The following LRRTM4 variants were observed in gnomAD, a reference collection of about 807,000 sequenced individuals.
LRRTM4 encodes leucine rich repeat transmembrane neuronal 4, also known as leucine-rich repeat transmembrane neuronal protein 4.
In LRRTM4, 25 loss-of-function variants were observed where a neutral mutation model predicts 47.6. The ratio of observed to expected loss-of-function variants is 0.53; its 90% CI spans 0.38 to 0.73. The LOEUF (loss-of-function observed/expected upper bound fraction) is 0.73. Ranked by LOEUF, LRRTM4 falls within the 30% of genes least tolerant of loss-of-function variation. The pLI is 0.00. For missense variants in LRRTM4, 638 were observed against 713.4 expected, an observed-to-expected ratio of 0.89 and a Z score of 1.20; for synonymous variants, 311 against 269.5, an observed-to-expected ratio of 1.15 and a Z score of -1.51.
chr2:77,144,838 G>A (rs188144590), intron 3 of LRRTM4, among the ~76,000 whole-genome samples: 27 of 152,200 alleles, frequency 1.8e-4, no homozygotes, highest in Admixed American at 8.5e-4. Context: ...TGAACAACAA[G>A]AGCAAATATA....
At chr2:77,520,003 C>A (rs562966052) in intron 2 of LRRTM4, 139 bp from the exon 3 acceptor site, 1 of 1,370,612 alleles carries the variant, frequency 7.3e-7, no homozygotes, top group Non-Finnish European at 9.6e-7. Flanking sequence ...ACATTTCGAG[C>A]ATTATTTTCT....
chr2:77,044,595 G>T (rs1372706704), intron 3 of LRRTM4, among the ~76,000 whole-genome samples: 3 of 151,216 alleles, frequency 2.0e-5, no homozygotes, highest in African/African-American at 7.3e-5. Context: ...GATTTAGTGG[G>T]AGTGAAAACT....
chr2:76,966,112 A>T (rs1022039297), intron 3 of LRRTM4, among the ~76,000 whole-genome samples: 3 of 151,622 alleles, frequency 2.0e-5, no homozygotes, highest in African/African-American at 7.2e-5. Flanking sequence ...AGCATAGGCT[A>T]TAATTCCCAA....
chr2:76,908,339 A>G (rs554504590), intron 3 of LRRTM4, among the ~76,000 whole-genome samples: 2 of 152,202 alleles, frequency 1.3e-5, no homozygotes, highest in Non-Finnish European at 2.9e-5. Flanking sequence ...GATGGGCCAT[A>G]TCTCAAAATC....
chr2:77,376,185 T>A (rs1308012685), intron 3 of LRRTM4, among the ~76,000 whole-genome samples: 2 of 151,530 alleles, frequency 1.3e-5, no homozygotes, highest in African/African-American at 4.9e-5. Flanking sequence ...TTATGAGAAA[T>A]TTTCCATTTA....
intron 3 of LRRTM4, among the ~76,000 whole-genome samples, chr2:77,169,042 A>G (rs1368036441): frequency 3.3e-5 from 5 of 152,178 alleles, no homozygotes; most frequent in African/African-American, 1.2e-4. Flanking sequence ...TTATGATAAA[A>G]AACTCTGAAA....
chr2:76,830,637 T>C (rs1419583887), intron 3 of LRRTM4, among the ~76,000 whole-genome samples: 1 of 151,840 alleles, frequency 6.6e-6, no homozygotes, highest in Non-Finnish European at 1.5e-5. Context: ...ATTTTATATT[T>C]ATATTAAAAT....
chr2:77,091,548 C>T (rs1444675886), intron 3 of LRRTM4, among the ~76,000 whole-genome samples: 2 of 150,312 alleles, frequency 1.3e-5, no homozygotes, highest in African/African-American at 5.0e-5. Flanking sequence ...CTGTCCACCC[C>T]GTGGTGCCAA....
intron 3 of LRRTM4, among the ~76,000 whole-genome samples, chr2:77,128,800 C>T (rs1360623192): frequency 8.0e-5 from 12 of 150,192 alleles, no homozygotes; most frequent in Non-Finnish European, 1.0e-4. Context: ...CCACCATGCC[C>T]GGCTAATTTT....
At chr2:77,146,108 T>C (rs1672255994) in intron 3 of LRRTM4, among the ~76,000 whole-genome samples, 5 of 152,190 alleles carry the variant, frequency 3.3e-5, no homozygotes, top group Admixed American at 3.3e-4. Context: ...AGTGTATATT[T>C]ATTCTTTTGT....
chr2:77,044,150 A>T (rs1679131644), intron 3 of LRRTM4, among the ~76,000 whole-genome samples: 1 of 151,832 alleles, frequency 6.6e-6, no homozygotes, highest in Non-Finnish European at 1.5e-5. Context: ...TGGTATTAGA[A>T]TATGTTACAT....
intron 3 of LRRTM4, among the ~76,000 whole-genome samples, chr2:77,280,093 C>T (rs1676468293): frequency 6.6e-6 from 1 of 151,996 alleles, no homozygotes; most frequent in Non-Finnish European, 1.5e-5. Flanking sequence ...TCCTGAATCA[C>T]TTGGGTGAGC....
intron 3 of LRRTM4, among the ~76,000 whole-genome samples, chr2:77,104,150 A>G (rs758010712): frequency 3.9e-5 from 6 of 152,172 alleles, no homozygotes; most frequent in Non-Finnish European, 8.8e-5. Flanking sequence ...CAAGTCATTT[A>G]TCTTGTCTCT....
intron 3 of LRRTM4, among the ~76,000 whole-genome samples, chr2:77,048,898 C>A (rs1335134772): frequency 6.6e-6 from 1 of 151,366 alleles, no homozygotes; most frequent in African/African-American, 2.4e-5. Flanking sequence ...TATCCTTTAA[C>A]CAACCTCTGG....
At chr2:77,034,845 C>T (rs1359765802) in intron 3 of LRRTM4, among the ~76,000 whole-genome samples, 1 of 151,780 alleles carries the variant, frequency 6.6e-6, no homozygotes. Flanking sequence ...ATATTCTTTT[C>T]ACTTATTCTT....
intron 3 of LRRTM4, among the ~76,000 whole-genome samples, chr2:77,326,474 G>T (rs555169201): frequency 6.6e-6 from 1 of 152,194 alleles, no homozygotes; most frequent in East Asian, 1.9e-4. Context: ...GCTCACTGTG[G>T]CCTCGAACTT....
chr2:76,781,676 C>T (rs965933227), intron 3 of LRRTM4, among the ~76,000 whole-genome samples: 16 of 152,228 alleles, frequency 1.1e-4, no homozygotes, highest in African/African-American at 3.1e-4. Context: ...TGAGATTAAC[C>T]CGGTACCTCA....
intron 3 of LRRTM4, among the ~76,000 whole-genome samples, chr2:76,963,337 T>C (rs1675923074): frequency 6.6e-6 from 1 of 150,852 alleles, no homozygotes; most frequent in Non-Finnish European, 1.5e-5. Flanking sequence ...GCATTACTAT[T>C]AGTTATCATT....
chr2:77,161,731 G>C (rs1672734314), intron 3 of LRRTM4, among the ~76,000 whole-genome samples: 1 of 152,146 alleles, frequency 6.6e-6, no homozygotes, highest in Non-Finnish European at 1.5e-5. Flanking sequence ...CAGTATTTTA[G>C]AGAGGGTCTG....
Sources: allele counts gnomAD v4.1 joint callset (sites outside exome capture counted in the v4.1 genomes callset), GRCh38; gene constraint gnomAD v4.1.1; transcripts MANE v1.5; gene names NCBI Gene and HGNC (gene_info 2026-07-23, HGNC 2026-07-21).